FARP1: variants seen among roughly 807,000 people sequenced by gnomAD.
FARP1 encodes the protein FERM, ARH/RhoGEF and pleckstrin domain protein 1.
A neutral mutation model predicts 128.8 loss-of-function variants in FARP1; 52 were observed. The ratio of observed to expected loss-of-function variants is 0.40; its 90% confidence interval spans 0.32 to 0.51. FARP1 has a LOEUF of 0.51. FARP1 is among the 20% of genes least tolerant of loss of function. FARP1 has a pLI of 0.45. For missense variants in FARP1, 1,333 were observed against 1,367.9 expected (o/e 0.97, Z 0.40); for synonymous variants, 580 against 551.8 (o/e 1.05, Z -0.72).
At chr13:98,355,576 C>T (rs1030996432) in intron 3 of FARP1, among the ~76,000 whole-genome samples, 4 of 152,120 alleles carry the variant, frequency 2.6e-5, no homozygotes, top group South Asian at 2.1e-4. Context: ...CAGTGGTGTA[C>T]GTTTCAACAA....
chr13:98,188,155 C>T lies in FARP1; in HGVS notation c.-23-25065C>T, dbSNP rs76219679. 3.2e-3 allele frequency among the ~76,000 whole-genome samples: 485 copies of T among 152,204 alleles called. 8 individuals are homozygous for T. Among genetic ancestry groups the T allele is most frequent in the East Asian group, 0.017 (87 of 5,154 alleles). ...GTTGAGTGGACTTTCCTGGTGGGGC[C>T]GAACACCCCTCGCATTTCGGCAGCA... On this transcript the variant is annotated intron_variant, in intron 1 of 26. Coordinates refer to ENST00000319562, the MANE Select transcript of FARP1 (RefSeq NM_005766.4).
chr13:98,353,279 G>T (rs1888510251), intron 3 of FARP1, among the ~76,000 whole-genome samples: 1 of 152,162 alleles, frequency 6.6e-6, no homozygotes, highest in Non-Finnish European at 1.5e-5. Context: ...AGTTTGGAAG[G>T]AGTTGACCAG....
chr13:98,398,058 C>G (rs1189057044), intron 13 of FARP1: 1 of 152,176 alleles, frequency 6.6e-6, no homozygotes, highest in Non-Finnish European at 1.5e-5. Context: ...ACAAGGGAAG[C>G]ACCAGGCGTG....
At chr13:98,198,134 A>G (rs1262971180) in intron 1 of FARP1, among the ~76,000 whole-genome samples, 1 of 152,172 alleles carries the variant, frequency 6.6e-6, no homozygotes, top group Non-Finnish European at 1.5e-5. Flanking sequence ...TCTGATAAGG[A>G]CCTCAGCAAT....
chr13:98,385,248 G>A (rs560805858), intron 7 of FARP1, among the ~76,000 whole-genome samples: 3 of 152,154 alleles, frequency 2.0e-5, no homozygotes, highest in Non-Finnish European at 4.4e-5. Context: ...TGGTACTTTT[G>A]GTTGTTGTTT....
At chr13:98,152,667 C>A (rs555722358) in intron 1 of FARP1, among the ~76,000 whole-genome samples, 1 of 152,290 alleles carries the variant, frequency 6.6e-6, no homozygotes, top group South Asian at 2.1e-4. Flanking sequence ...TTATTGCCAT[C>A]TAAAGCATCA....
intron 3 of FARP1, among the ~76,000 whole-genome samples, chr13:98,352,130 T>C (rs1888460199): frequency 6.6e-6 from 1 of 151,734 alleles, no homozygotes; most frequent in Admixed American, 6.6e-5. Flanking sequence ...ACAGACAACA[T>C]CTGTGGCAAA....
chr13:98,259,301 CT>C (rs1191994894), intron 2 of FARP1, among the ~76,000 whole-genome samples: 2 of 148,890 alleles, frequency 1.3e-5, no homozygotes, highest in African/African-American at 5.2e-5. Context: ...ATAATACTCT[CT>C]ATATAGAGTG....
At chr13:98,370,577 G>T (rs895010232) in intron 5 of FARP1, among the ~76,000 whole-genome samples, 2 of 136,616 alleles carry the variant, frequency 1.5e-5, no homozygotes, top group African/African-American at 3.1e-5. Context: ...TGAGTGACTG[G>T]GGGGGAGATG....
In FARP1 at chr13:98,436,708, C is replaced by T. The variant is rs546376639; in HGVS notation, c.2274+1002C>T. ...ATTGTCAGAAGAGCCATGCGGTAAG[C>T]GCTGGCAGAAATTAGAGCTGGGATG... On this transcript the variant is annotated intron_variant, in intron 19 of 26. Transcript: ENST00000319562. Among the ~76,000 whole-genome samples the T allele has an allele frequency of 6.6e-5, 10 of 152,292 alleles. No individual in the cohort carries two copies. The East Asian group carries it at 1.4e-3, about 21-fold the overall frequency.
rs1168222654 is a variant in FARP1 at position 98,377,815 on chromosome 13, T to A, written c.399-6T>A. ...GCCTGACGCCCAGCTCTGTTGATCTTCGCAGGTACCTGTTCGCGCTGCAGG... is the reference window on the plus strand; with the variant it reads ...GCCTGACGCCCAGCTCTGTTGATCTACGCAGGTACCTGTTCGCGCTGCAGG... On this transcript the variant is annotated splice_polypyrimidine_tract_variant and splice_region_variant and intron_variant, in intron 5 of 26. Transcript: ENST00000319562. 6.2e-7 allele frequency: 1 copy of A among 1,612,748 alleles called. No individual in the cohort carries two copies. Among genetic ancestry groups the A allele is most frequent in the South Asian group, 1.1e-5 (1 of 91,060 alleles).
chr13:98,267,013 C>CAAAAA (rs368229193), intron 2 of FARP1, among the ~76,000 whole-genome samples: 4 of 64,324 alleles, frequency 6.2e-5, no homozygotes, highest in Middle Eastern at 9.6e-3. Context: ...ACTCCCATCT[C>CAAAAA]AAAAAAAAAA....
intron 2 of FARP1, among the ~76,000 whole-genome samples, chr13:98,225,195 A>G (rs1566764119): frequency 6.6e-6 from 1 of 152,226 alleles, no homozygotes; most frequent in Non-Finnish European, 1.5e-5. Flanking sequence ...CGAAGATGAC[A>G]TATTTTATTA....
intron 2 of FARP1, among the ~76,000 whole-genome samples, chr13:98,217,322 A>G (rs1881127082): frequency 6.6e-6 from 1 of 152,148 alleles, no homozygotes; most frequent in Admixed American, 6.5e-5. Context: ...CAAAAAAGAC[A>G]CCTAGTGCCT....
intron 24 of FARP1, among the ~76,000 whole-genome samples, chr13:98,444,824 G>A (rs1892721163): frequency 6.6e-6 from 1 of 152,216 alleles, no homozygotes; most frequent in South Asian, 2.1e-4. Context: ...TAGGAAAGGG[G>A]AGTGTGCCAC....
At chr13:98,220,146 G>A (rs555055196) in intron 2 of FARP1, among the ~76,000 whole-genome samples, 1 of 151,954 alleles carries the variant, frequency 6.6e-6, no homozygotes, top group Admixed American at 6.6e-5. Context: ...TAGCGGTTCC[G>A]ACTCTCCTGG....
At chr13:98,227,221 C>T (rs1881846580) in intron 2 of FARP1, among the ~76,000 whole-genome samples, 1 of 152,140 alleles carries the variant, frequency 6.6e-6, no homozygotes, top group Non-Finnish European at 1.5e-5. Flanking sequence ...GGATAGCAGG[C>T]GTGAGCCACC....
At chr13:98,341,607 G>C (rs1435935481) in intron 2 of FARP1, among the ~76,000 whole-genome samples, 1 of 152,194 alleles carries the variant, frequency 6.6e-6, no homozygotes, top group Non-Finnish European at 1.5e-5. Context: ...ACTCCAGCCT[G>C]GGTGAAAGAG....
Position 98,302,249 on chromosome 13 carries a change from C to T in FARP1, c.172-41513C>T, listed in dbSNP as rs139333522. On this transcript the variant is annotated intron_variant, in intron 2 of 26. Coordinates refer to ENST00000319562, the MANE Select transcript of FARP1 (RefSeq NM_005766.4). ...ACACGTGGAATGAACTCTCTTTCCA[C>T]CACTTTTGTAAAATCTACCATGAAT... is the stretch of plus-strand genomic sequence containing the variant. 1.2e-3 allele frequency among the ~76,000 whole-genome samples: 190 copies of T among 152,348 alleles called. 1 individual carries two copies. Among genetic ancestry groups the T allele is most frequent in the African/African-American group, 4.4e-3 (182 of 41,586 alleles).
Sources: allele counts gnomAD v4.1 joint callset (sites outside exome capture counted in the v4.1 genomes callset), GRCh38; gene constraint gnomAD v4.1.1; transcripts MANE v1.5; gene names NCBI Gene and HGNC (gene_info 2026-07-23, HGNC 2026-07-21).